The following EHBP1 variants were observed in gnomAD, a reference collection of about 807,000 sequenced individuals.
The protein encoded by EHBP1 is EH domain-binding protein 1.
In EHBP1, 55 loss-of-function variants were observed where a neutral mutation model predicts 144.0. The observed-to-expected ratio is 0.38, with a 90% CI of 0.31 to 0.48. The LOEUF is 0.48. EHBP1 is among the 20% of genes least tolerant of loss of function. EHBP1 has a pLI of 0.98. For missense variants in EHBP1, 1,200 were observed against 1,364.2 expected, an observed-to-expected ratio of 0.88 and a Z score of 1.90; for synonymous variants, 469 against 472.7, an observed-to-expected ratio of 0.99 and a Z score of 0.10.
intron 5 of EHBP1, among the ~76,000 whole-genome samples, chr2:62,806,579 T>TCTCTGTATATTGCCTAG (rs2044503737): frequency 6.6e-6 from 1 of 152,084 alleles, no homozygotes; most frequent in Non-Finnish European, 1.5e-5. Flanking sequence ...GCCTAGCTGA[T>TCTCTGTATATTGCCTAG]CTTGAACTCC....
intron 9 of EHBP1, among the ~76,000 whole-genome samples, chr2:62,866,743 T>C (rs2050075243): frequency 6.6e-6 from 1 of 152,088 alleles, no homozygotes; most frequent in African/African-American, 2.4e-5. Flanking sequence ...GTGGAACAAC[T>C]TCAGTGGCCT....
chr2:62,674,431 T>A (rs774861349), intron 1 of EHBP1, among the ~76,000 whole-genome samples: 5 of 152,236 alleles, frequency 3.3e-5, no homozygotes, highest in African/African-American at 1.2e-4. Context: ...TATATTAGCA[T>A]CAGTGCTGTA....
intron 15 of EHBP1, among the ~76,000 whole-genome samples, chr2:62,987,691 T>C (rs1225661196): frequency 6.6e-6 from 1 of 152,120 alleles, no homozygotes; most frequent in East Asian, 1.9e-4. Flanking sequence ...GTGTGGCAAA[T>C]TGTCAAAACC....
chr2:62,765,478 A>G (rs776815470), intron 4 of EHBP1, among the ~76,000 whole-genome samples: 1 of 152,142 alleles, frequency 6.6e-6, no homozygotes, highest in Non-Finnish European at 1.5e-5. Context: ...TGTGCCAGGT[A>G]CTTTTCTAGA....
At chr2:62,942,685 T>C (rs2056830394) in intron 10 of EHBP1, 33 bp from the exon 11 acceptor site, 3 of 1,534,168 alleles carry the variant, frequency 2.0e-6, no homozygotes, top group Non-Finnish European at 2.6e-6. Context: ...CATTAAATTC[T>C]TTTAATGTTT....
In EHBP1 at chr2:62,858,474, A is replaced by G. The variant is rs754563199; in HGVS notation, c.635-695A>G. The G allele has an allele frequency of 8.1e-6, 13 of 1,612,126 alleles. No individual in the cohort carries two copies. In the East Asian group the frequency reaches 2.9e-4, roughly 36 times the overall value. On this transcript the variant is annotated intron_variant, in intron 7 of 22. Coordinates refer to ENST00000431489, the MANE Select transcript of EHBP1 (RefSeq NM_001142616.3). ...TCAAGATGACTGCATAAAGCAAGCA[A>G]ATATGCGTTCAGCTAAATCAGCCAG...
At chr2:62,892,832 T>A (rs13006926) in intron 10 of EHBP1, among the ~76,000 whole-genome samples, 1 of 152,034 alleles carries the variant, frequency 6.6e-6, no homozygotes, top group Non-Finnish European at 1.5e-5. Context: ...ATTTAATATA[T>A]CACATCCAAA....
intron 19 of EHBP1, among the ~76,000 whole-genome samples, chr2:63,022,559 C>T (rs534791225): frequency 3.3e-5 from 5 of 152,120 alleles, no homozygotes; most frequent in Non-Finnish European, 5.9e-5. Flanking sequence ...AGGTGATCCG[C>T]CTGCCTCCGC....
chr2:62,724,862 C>T (rs2151956506), intron 2 of EHBP1, among the ~76,000 whole-genome samples: 1 of 152,286 alleles, frequency 6.6e-6, no homozygotes, highest in East Asian at 1.9e-4. Flanking sequence ...CTATTGTGTA[C>T]TGCTCATGCA....
intron 1 of EHBP1, among the ~76,000 whole-genome samples, chr2:62,681,965 G>A (rs1376975371): frequency 6.6e-6 from 1 of 152,216 alleles, no homozygotes; most frequent in Non-Finnish European, 1.5e-5. Context: ...GAAGTTATTG[G>A]ATTGAATGAT....
chr2:62,915,820 T>C (rs1391102226), intron 10 of EHBP1, among the ~76,000 whole-genome samples: 1 of 152,126 alleles, frequency 6.6e-6, no homozygotes, highest in Non-Finnish European at 1.5e-5. Flanking sequence ...GGTAGATAAC[T>C]GAAGCAAAAC....
At chr2:62,913,799 T>A (rs2152984741) in intron 10 of EHBP1, among the ~76,000 whole-genome samples, 1 of 152,342 alleles carries the variant, frequency 6.6e-6, no homozygotes, top group Admixed American at 6.5e-5. Context: ...TTATGCCTCT[T>A]CTTTTCATGA....
At chr2:62,676,916 A>G (rs1290314572) in intron 1 of EHBP1, among the ~76,000 whole-genome samples, 1 of 152,196 alleles carries the variant, frequency 6.6e-6, no homozygotes, top group African/African-American at 2.4e-5. Flanking sequence ...CATCATGCCT[A>G]TAATGCCAGC....
intron 3 of EHBP1, among the ~76,000 whole-genome samples, chr2:62,750,780 T>C (rs2039617186): frequency 6.6e-6 from 1 of 152,220 alleles, no homozygotes; most frequent in African/African-American, 2.4e-5. Flanking sequence ...TTTGGCTCTC[T>C]GTTTGTCTGT....
intron 4 of EHBP1, among the ~76,000 whole-genome samples, chr2:62,767,907 C>G (rs113323220): frequency 2.7e-5 from 4 of 149,854 alleles, no homozygotes; most frequent in African/African-American, 9.8e-5. Context: ...AATTAAACAT[C>G]ATGCTCTGGA....
intron 5 of EHBP1, among the ~76,000 whole-genome samples, chr2:62,811,277 G>A (rs1399791235): frequency 2.0e-5 from 3 of 152,158 alleles, no homozygotes; most frequent in Admixed American, 2.0e-4. Context: ...CCTGTGGCAT[G>A]TCTGCTTCAG....
At chr2:62,992,707 G>A (rs1263296755) in intron 16 of EHBP1, among the ~76,000 whole-genome samples, 2 of 152,074 alleles carry the variant, frequency 1.3e-5, no homozygotes, top group Admixed American at 1.3e-4. Flanking sequence ...AGGCCTCCTT[G>A]AGGCTAGAGA....
chr2:62,988,317 G>A (rs1229342372), intron 15 of EHBP1, among the ~76,000 whole-genome samples: 2 of 152,012 alleles, frequency 1.3e-5, no homozygotes, highest in African/African-American at 4.8e-5. Context: ...TAATCTGTAG[G>A]TTTTCAATAG....
intron 13 of EHBP1, among the ~76,000 whole-genome samples, chr2:62,954,480 G>A (rs1477058259): frequency 6.6e-6 from 1 of 152,028 alleles, no homozygotes; most frequent in Non-Finnish European, 1.5e-5. Flanking sequence ...CCTGGAATTA[G>A]GTAGTGGTGA....
Sources: gnomAD v4.1 joint callset for allele counts (sites outside exome capture counted in the v4.1 genomes callset) on GRCh38, gnomAD v4.1.1 for gene constraint, MANE v1.5 for transcripts, NCBI Gene and HGNC (gene_info 2026-07-23, HGNC 2026-07-21) for gene names.